The following EVA1C variants were observed in gnomAD, a reference collection of about 807,000 sequenced individuals.
EVA1C encodes protein eva-1 homolog C.
EVA1C carries 25 observed loss-of-function variants against 45.4 expected under a neutral mutation model. The observed-to-expected ratio is 0.55, with a 90% CI of 0.40 to 0.77. The LOEUF (loss-of-function observed/expected upper bound fraction) is 0.77, where lower values mean the gene tolerates loss of function less well. EVA1C is among the 30% of genes least tolerant of loss of function. EVA1C has a pLI of 0.00. For synonymous variants in EVA1C, 190 were observed against 221.2 expected, an observed-to-expected ratio of 0.86 and a Z score of 1.25; for missense variants, 479 against 554.8, an observed-to-expected ratio of 0.86 and a Z score of 1.37.
chr21:32,455,928 T>C (rs1468048598), intron 2 of EVA1C, among the ~76,000 whole-genome samples: 1 of 152,146 alleles, frequency 6.6e-6, no homozygotes, highest in Non-Finnish European at 1.5e-5. Flanking sequence ...GTTTCACTCT[T>C]GTTGCCCAGG....
At chr21:32,467,913 T>G in intron 4 of EVA1C, 65 bp downstream of exon 4, 1 of 1,008,336 alleles carries the variant, frequency 9.9e-7, no homozygotes, top group Non-Finnish European at 1.3e-6. Flanking sequence ...AGAATATATA[T>G]ATATATATCC....
Position 32,412,963 on chromosome 21 carries a change from G to A in EVA1C, c.110G>A (p.Cys37Tyr). Residue 37 changes from cysteine to tyrosine, a missense_variant, in exon 1 of 8, where the codon TGC becomes TAC. Physicochemically the swap from Cys to Tyr is radical, Grantham distance 194 (BLOSUM62 -2). Around this residue, in one of 3 missense-constraint regions of EVA1C, gnomAD observed 80 missense variants for 63.8 expected, o/e 1.25. Transcript: ENST00000300255. ...GGGCAGCTCCTGCGCCTCTTCTACT[G>A]CACTGTCCTGGTCTGCTCCAAAGAG... ...PPGQLLRLFYCTVLVCSKEIS... is the reference protein window; with the variant it reads ...PPGQLLRLFYYTVLVCSKEIS... 1.3e-6 allele frequency: 2 copies of A among 1,560,596 alleles called. No individual in the cohort carries two copies. Among genetic ancestry groups the A allele is most frequent in the Non-Finnish European group, 1.7e-6 (2 of 1,155,832 alleles).
chr21:32,504,140 A>G, intron 7 of EVA1C, 125 bp downstream of exon 7: 1 of 669,104 alleles, frequency 1.5e-6, no homozygotes. Context: ...TAACATGCCA[A>G]CCACCACTTC....
intron 4 of EVA1C, 46 bp downstream of exon 4, chr21:32,467,894 A>T: frequency 8.1e-7 from 1 of 1,240,780 alleles, no homozygotes. Context: ...CTAGAGGGAC[A>T]GAATTAATAG....
At chr21:32,512,711 C>T (rs773761959) in intron 7 of EVA1C, among the ~76,000 whole-genome samples, 3 of 152,186 alleles carry the variant, frequency 2.0e-5, no homozygotes, top group Non-Finnish European at 4.4e-5. Context: ...TCCTCACACT[C>T]AGCACTCCTT....
In EVA1C at chr21:32,451,005, G is replaced by A. The variant is rs956734166; in HGVS notation, c.161-2307G>A. Among the ~76,000 whole-genome samples, 7 of 152,164 alleles carry A rather than the reference G, an allele frequency of 4.6e-5. No individual in the cohort carries two copies. In the South Asian group the frequency reaches 6.2e-4, roughly 13 times the overall value. On this transcript the variant is annotated intron_variant, in intron 1 of 7. Transcript: ENST00000300255. ...AAGGAGTTTCAGCAAGACAGCTAACGTCTGGATGAACGTGCCAGGAAATGT... is the reference window on the plus strand; with the variant it reads ...AAGGAGTTTCAGCAAGACAGCTAACATCTGGATGAACGTGCCAGGAAATGT...
chr21:32,460,734 C>T (rs140611951), intron 3 of EVA1C, among the ~76,000 whole-genome samples: 102 of 150,540 alleles, frequency 6.8e-4, no homozygotes, highest in African/African-American at 2.1e-3. Flanking sequence ...CTTGGTACTA[C>T]GCAAGCAGCT....
At chr21:32,423,713 C>T (rs1219760320) in intron 1 of EVA1C, among the ~76,000 whole-genome samples, 3 of 152,130 alleles carry the variant, frequency 2.0e-5, no homozygotes, top group African/African-American at 7.2e-5. Context: ...AAATGAATTT[C>T]TCCTGCACTA....
chr21:32,458,481 A>ATTTTTTTTTTTTTTTTTTTTTT, intron 3 of EVA1C, among the ~76,000 whole-genome samples: 1 of 141,142 alleles, frequency 7.1e-6, no homozygotes, highest in African/African-American at 2.7e-5. Context: ...GAAGTTAAGC[A>ATTTTTTTTTTTTTTTTTTTTTT]CTTTTTTTTT....
intron 7 of EVA1C, among the ~76,000 whole-genome samples, chr21:32,507,386 A>C (rs936896911): frequency 6.8e-6 from 1 of 146,318 alleles, no homozygotes; most frequent in Admixed American, 6.8e-5. Context: ...GCATGTGTGC[A>C]TGTGCGTCTG....
chr21:32,483,877 G>T (rs1482948073), intron 4 of EVA1C, among the ~76,000 whole-genome samples: 1 of 152,020 alleles, frequency 6.6e-6, no homozygotes, highest in Non-Finnish European at 1.5e-5. Flanking sequence ...GACGAGATCA[G>T]GTGCATTCAG....
Position 32,510,028 on chromosome 21 carries a change from C to T in EVA1C, c.950-4786C>T, listed in dbSNP as rs191861961. ...TTGACTTTTATTGCAAAAGTAATTGCGATTTCCGACATTCCTTTTTTTTTT... is the reference window on the plus strand; with the variant it reads ...TTGACTTTTATTGCAAAAGTAATTGTGATTTCCGACATTCCTTTTTTTTTT... On this transcript the variant is annotated intron_variant, in intron 7 of 7. Coordinates refer to ENST00000300255, the MANE Select transcript of EVA1C (RefSeq NM_058187.5). 2.6e-3 allele frequency among the ~76,000 whole-genome samples: 378 copies of T among 142,988 alleles called. 1 individual carries two copies. Among genetic ancestry groups the T allele is most frequent in the African/African-American group, 9.3e-3 (356 of 38,186 alleles). The allele number at this position is 142,988 out of a possible 152,430, so 93.8% of individuals were successfully genotyped here. A position where few individuals can be genotyped will look rare whatever the true frequency, so the allele number is the denominator to read the frequency against.
chr21:32,476,256 T>G (rs1203346931), intron 4 of EVA1C, among the ~76,000 whole-genome samples: 1 of 151,366 alleles, frequency 6.6e-6, no homozygotes, highest in Non-Finnish European at 1.5e-5. Flanking sequence ...TATCCTCGGG[T>G]TTTTTGTTTT....
intron 4 of EVA1C, among the ~76,000 whole-genome samples, chr21:32,488,421 G>C (rs1285335286): frequency 6.6e-6 from 1 of 152,062 alleles, no homozygotes; most frequent in Non-Finnish European, 1.5e-5. Flanking sequence ...CCCACCAATA[G>C]TGCAGATGGG....
chr21:32,417,349 T>A (rs1405012194), intron 1 of EVA1C, among the ~76,000 whole-genome samples: 1 of 152,228 alleles, frequency 6.6e-6, no homozygotes, highest in East Asian at 1.9e-4. Flanking sequence ...CTCCTTGGCT[T>A]GTAAATGGCA....
chr21:32,412,714 T>C lies in EVA1C; in HGVS notation c.-140T>C. The C allele has an allele frequency of 1.1e-6, 1 of 873,318 alleles. No individual in the cohort carries two copies. Among genetic ancestry groups the C allele is most frequent in the Non-Finnish European group, 1.6e-6 (1 of 638,594 alleles). The allele number at this position is 873,318 out of a possible 1,614,324, so 54.1% of individuals were successfully genotyped here. A position where few individuals can be genotyped will look rare whatever the true frequency, so the allele number is the denominator to read the frequency against. ...GGCTGGCCCGCGCAGGGGAGGAGGC[T>C]CTGGCAGCCTGGGCAGGGAGGCGGC... On this transcript the variant is annotated 5_prime_UTR_variant, in exon 1 of 8. Transcript: ENST00000300255.
At position 32,467,843 on chromosome 21, in the gene EVA1C, C is replaced by G. The variant is rs375945590; in HGVS notation, c.629C>G (p.Pro210Arg). The change falls in exon 4 of 8, where the codon CCT (proline) becomes CGT (arginine). Residue 210 changes from proline (P) to arginine (R), a missense_variant. By Grantham distance (103) the Pro-to-Arg change is moderately radical. This residue lies in a region of EVA1C where 366 missense variants were observed against 426.1 expected (regional missense o/e 0.86). Coordinates refer to ENST00000300255, the MANE Select transcript of EVA1C (RefSeq NM_058187.5). ...ICSSKAERLP[P>R]FDCLSYSALQ... ...TCCTCCAAGGCAGAGCGGCTCCCCC[C>G]TTTCGGTATGTGCTTTTGTGTGTGT... is the stretch of plus-strand genomic sequence containing the variant. The G allele has an allele frequency of 4.8e-5, 77 of 1,608,114 alleles. 1 individual carries two copies. Among genetic ancestry groups the G allele is most frequent in the African/African-American group, 4.6e-4 (34 of 74,478 alleles).
chr21:32,514,897 G>C lies in EVA1C; in HGVS notation c.1033G>C (p.Glu345Gln). 3 of 1,613,982 alleles carry C rather than the reference G, an allele frequency of 1.9e-6. No individual in the cohort carries two copies. Among genetic ancestry groups the C allele is most frequent in the East Asian group, 4.5e-5 (2 of 44,880 alleles). ...CACACTGTGCGCCCTGGTCATCAGA[G>C]AGTCCTGTGCCAAGGACTTCCGCGA... is the stretch of plus-strand genomic sequence containing the variant. ...ALTLCALVIR[E>Q]SCAKDFRDLQ... The change falls in exon 8 of 8, where the codon GAG becomes CAG. Residue 345 changes from glutamate (E) to glutamine (Q), a missense_variant. By Grantham distance (29) the Glu-to-Gln change is conservative. Transcript: ENST00000300255.
At position 32,515,199 on chromosome 21, in the gene EVA1C, T is replaced by C. The variant is rs765348076; in HGVS notation, c.*9T>C. The C allele has an allele frequency of 1.9e-6, 3 of 1,555,560 alleles. No individual in the cohort carries two copies. Among genetic ancestry groups the C allele is most frequent in the Non-Finnish European group, 1.7e-6 (2 of 1,147,516 alleles). On this transcript the variant is annotated 3_prime_UTR_variant, in exon 8 of 8. Coordinates refer to ENST00000300255, the MANE Select transcript of EVA1C (RefSeq NM_058187.5). ...TGGGCCAGTTCTACTGAAAACCACA[T>C]GCATCTTGATGCGATCGCACTTTCT...
Sources: allele counts gnomAD v4.1 joint callset (sites outside exome capture counted in the v4.1 genomes callset), GRCh38; gene constraint gnomAD v4.1.1; regional missense constraint gnomAD v4.1.1; transcripts MANE v1.5; gene names NCBI Gene and HGNC (gene_info 2026-07-23, HGNC 2026-07-21).